KATNIP: variants seen among roughly 807,000 people sequenced by gnomAD.
KATNIP encodes katanin-interacting protein.
KATNIP carries 126 observed loss-of-function variants against 174.0 expected under a neutral mutation model. That is an observed-to-expected ratio of 0.72 (90% confidence interval 0.63 to 0.84). KATNIP has a LOEUF of 0.84. KATNIP is among the 40% of genes least tolerant of loss of function. The pLI, the probability that KATNIP is intolerant of heterozygous loss-of-function variation, is 0.00. For missense variants in KATNIP, 1,958 were observed against 2,109.7 expected (o/e 0.93, Z 1.41); for synonymous variants, 810 against 835.7 (o/e 0.97, Z 0.53).
intron 2 of KATNIP, among the ~76,000 whole-genome samples, chr16:27,592,569 G>T (rs537566717): frequency 6.6e-6 from 1 of 152,160 alleles, no homozygotes; most frequent in African/African-American, 2.4e-5. Flanking sequence ...AGTGAGCTGA[G>T]ATCACGCCAC....
chr16:27,576,119 C>T (rs2090487889), intron 2 of KATNIP, among the ~76,000 whole-genome samples: 1 of 152,192 alleles, frequency 6.6e-6, no homozygotes, highest in African/African-American at 2.4e-5. Context: ...TATTTCTCCA[C>T]ATTAAGAAAT....
chr16:27,606,305 C>A (rs1032412318), intron 2 of KATNIP, among the ~76,000 whole-genome samples: 2 of 152,056 alleles, frequency 1.3e-5, no homozygotes, highest in Non-Finnish European at 2.9e-5. Flanking sequence ...ACATTTGGAT[C>A]ATCTCTTCTT....
chr16:27,663,459 T>C (rs904361761), intron 6 of KATNIP, among the ~76,000 whole-genome samples: 8 of 151,988 alleles, frequency 5.3e-5, no homozygotes, highest in African/African-American at 1.9e-4. Context: ...TTTATTTATT[T>C]TGAGACAGAG....
At chr16:27,587,093 A>G (rs1216395440) in intron 2 of KATNIP, among the ~76,000 whole-genome samples, 1 of 152,066 alleles carries the variant, frequency 6.6e-6, no homozygotes, top group African/African-American at 2.4e-5. Context: ...CTCTACTACT[A>G]GCTGTGTAGT....
intron 9 of KATNIP, among the ~76,000 whole-genome samples, chr16:27,698,906 A>G (rs948970673): frequency 8.5e-5 from 13 of 152,096 alleles, no homozygotes; most frequent in African/African-American, 2.4e-4. Context: ...ACTGCTCCCT[A>G]TTGTCCTGCC....
intron 18 of KATNIP, among the ~76,000 whole-genome samples, chr16:27,758,512 G>C (rs990737005): frequency 7.9e-5 from 12 of 152,122 alleles, no homozygotes; most frequent in Non-Finnish European, 1.3e-4. Flanking sequence ...TTGCTCCCCT[G>C]CTTCAACATA....
intron 6 of KATNIP, among the ~76,000 whole-genome samples, chr16:27,652,011 T>C (rs1017848165): frequency 1.3e-5 from 2 of 152,164 alleles, no homozygotes; most frequent in Non-Finnish European, 2.9e-5. Flanking sequence ...TGAGCCACCA[T>C]GCCCAGGCAA....
chr16:27,652,246 A>G lies in KATNIP; in HGVS notation c.540+3511A>G, dbSNP rs567757564. Among the ~76,000 whole-genome samples, 21 of 152,244 alleles carry G rather than the reference A, an allele frequency of 1.4e-4. No individual in the cohort carries two copies. The South Asian group carries it at 2.1e-3, about 15-fold the overall frequency. On this transcript the variant is annotated intron_variant, in intron 6 of 27. Coordinates refer to ENST00000261588, the MANE Select transcript of KATNIP (RefSeq NM_015202.5). ...AAATGGCCAGGGGCTGCTATTTTATATGGAGGGTGCAGGGGCTTCCCCTTG... is the reference window on the plus strand; with the variant it reads ...AAATGGCCAGGGGCTGCTATTTTATGTGGAGGGTGCAGGGGCTTCCCCTTG...
chr16:27,745,989 G>A (rs966190737), intron 15 of KATNIP, among the ~76,000 whole-genome samples: 9 of 139,898 alleles, frequency 6.4e-5, no homozygotes, highest in Non-Finnish European at 9.2e-5. Context: ...TTTTGAGATG[G>A]AGTCTTGCTA....
intron 14 of KATNIP, among the ~76,000 whole-genome samples, chr16:27,730,291 T>C (rs1597318776): frequency 6.6e-6 from 1 of 152,246 alleles, no homozygotes; most frequent in African/African-American, 2.4e-5. Context: ...ATTTTAAAAT[T>C]GGGAGGTTTT....
At chr16:27,594,950 A>G (rs1037270694) in intron 2 of KATNIP, among the ~76,000 whole-genome samples, 1 of 152,292 alleles carries the variant, frequency 6.6e-6, no homozygotes, top group East Asian at 1.9e-4. Flanking sequence ...AACAATGGGG[A>G]AAAAAGAGGA....
At chr16:27,745,427 G>A (rs2081255472) in intron 15 of KATNIP, among the ~76,000 whole-genome samples, 1 of 152,218 alleles carries the variant, frequency 6.6e-6, no homozygotes, top group Non-Finnish European at 1.5e-5. Context: ...GTGAGGAAAT[G>A]GCCTCACAGC....
intron 1 of KATNIP, among the ~76,000 whole-genome samples, chr16:27,555,856 A>C (rs4480809): frequency 1.4e-5 from 2 of 145,208 alleles, no homozygotes; most frequent in African/African-American, 5.1e-5. Context: ...AAAAGTTCCT[A>C]CAGCCAGGCG....
chr16:27,631,661 C>T (rs1203261669), intron 5 of KATNIP, among the ~76,000 whole-genome samples: 1 of 152,192 alleles, frequency 6.6e-6, no homozygotes, highest in African/African-American at 2.4e-5. Flanking sequence ...ACGGCCCTCC[C>T]CTTTGGATGT....
chr16:27,666,887 C>T lies in KATNIP; in HGVS notation c.541-10842C>T, dbSNP rs76215985. Among the ~76,000 whole-genome samples, 844 of 152,058 alleles carry T rather than the reference C, an allele frequency of 5.6e-3. 13 individuals carry two copies. Among genetic ancestry groups the T allele is most frequent in the African/African-American group, 0.019 (806 of 41,474 alleles). Reference sequence around the variant, plus strand: ...GCAAGCCCTAAGTTTGGGTTTTTGGCGCTCATTACTCTGGTAATCTGTTAT... The same window carrying T: ...GCAAGCCCTAAGTTTGGGTTTTTGGTGCTCATTACTCTGGTAATCTGTTAT... On this transcript the variant is annotated intron_variant, in intron 6 of 27. Coordinates refer to ENST00000261588, the MANE Select transcript of KATNIP (RefSeq NM_015202.5).
chr16:27,641,779 C>G (rs2076806819), intron 5 of KATNIP, among the ~76,000 whole-genome samples: 1 of 152,188 alleles, frequency 6.6e-6, no homozygotes, highest in Non-Finnish European at 1.5e-5. Flanking sequence ...CTCACAAATT[C>G]CCAGGAGATA....
intron 2 of KATNIP, among the ~76,000 whole-genome samples, chr16:27,582,785 A>G (rs1483897198): frequency 6.6e-6 from 1 of 152,208 alleles, no homozygotes; most frequent in East Asian, 1.9e-4. Context: ...ATACGTGTCA[A>G]GTGCTTAGGA....
chr16:27,665,464 T>C (rs2077649232), intron 6 of KATNIP, among the ~76,000 whole-genome samples: 1 of 152,020 alleles, frequency 6.6e-6, no homozygotes, highest in South Asian at 2.1e-4. Flanking sequence ...CTTTCTGCCA[T>C]GATTGGAAGT....
intron 6 of KATNIP, among the ~76,000 whole-genome samples, chr16:27,663,143 T>TTTC: frequency 1.3e-5 from 2 of 149,188 alleles, no homozygotes; most frequent in Admixed American, 6.7e-5. Context: ...TTCTTTTTCT[T>TTTC]TTCTTCTTCT....
Sources: allele counts gnomAD v4.1 joint callset (sites outside exome capture counted in the v4.1 genomes callset), GRCh38; gene constraint gnomAD v4.1.1; transcripts MANE v1.5; gene names NCBI Gene and HGNC (gene_info 2026-07-23, HGNC 2026-07-21).